Variants in STK32B observed in about 807,000 individuals in gnomAD.
STK32B encodes serine/threonine-protein kinase 32B.
A neutral mutation model predicts 52.6 loss-of-function variants in STK32B; 43 were observed. That is an observed-to-expected ratio of 0.82 (90% confidence interval 0.64 to 1.05). The LOEUF (loss-of-function observed/expected upper bound fraction) is 1.05. Ranked by LOEUF, STK32B falls within the 50% of genes least tolerant of loss-of-function variation. The pLI is 0.00. For missense variants in STK32B, 621 were observed against 534.6 expected (o/e 1.16, Z -1.59); for synonymous variants, 238 against 204.3 (o/e 1.17, Z -1.41).
At chr4:5,289,685 ATTTTTTTTTT>A (rs56211807) in intron 3 of STK32B, among the ~76,000 whole-genome samples, 3,253 of 86,986 alleles carry the variant, frequency 0.037, 130 homozygotes, top group African/African-American at 0.11. Flanking sequence ...TGCCCGGCTA[ATTTTTTTTTT>A]TTTTTTTTTT....
At chr4:5,303,465 G>A (rs1358577807) in intron 3 of STK32B, among the ~76,000 whole-genome samples, 6 of 152,018 alleles carry the variant, frequency 3.9e-5, no homozygotes, top group African/African-American at 1.4e-4. Flanking sequence ...ATGTTTGTTG[G>A]TCATTTGTAT....
At chr4:5,087,024 C>A (rs1045248520) in intron 1 of STK32B, among the ~76,000 whole-genome samples, 1 of 152,118 alleles carries the variant, frequency 6.6e-6, no homozygotes, top group African/African-American at 2.4e-5. Flanking sequence ...AAGTTAACTA[C>A]ATGGATAAAT....
Position 5,396,835 on chromosome 4 carries a change from C to CACAA in STK32B, c.435-1372_435-1371insACAA, listed in dbSNP as rs147371289. Among the ~76,000 whole-genome samples the CACAA allele has an allele frequency of 0.035, 5,391 of 152,254 alleles. 151 individuals carry two copies. Among genetic ancestry groups the CACAA allele is most frequent in the East Asian group, 0.084 (436 of 5,188 alleles). On this transcript the variant is annotated intron_variant, in intron 4 of 11. Transcript: ENST00000282908. The surrounding 1 kb of genome is among the most constrained non-coding windows in gnomAD (Gnocchi z 4.7). Reference sequence around the variant, plus strand: ...GGACCAAGCATTTGCTGACTTCATCCGCACTTGACTCTAGGTCTTCTGCCT... The same window carrying CACAA: ...GGACCAAGCATTTGCTGACTTCATCCACAAGCACTTGACTCTAGGTCTTCTGCCT...
chr4:5,305,460 T>A (rs911109937), intron 3 of STK32B, among the ~76,000 whole-genome samples: 9 of 152,140 alleles, frequency 5.9e-5, no homozygotes, highest in African/African-American at 2.2e-4. Context: ...TCTCCAGGAA[T>A]CTCCTCTAGG....
intron 6 of STK32B, among the ~76,000 whole-genome samples, chr4:5,432,650 A>G (rs973504882): frequency 3.3e-5 from 5 of 152,176 alleles, no homozygotes; most frequent in African/African-American, 1.2e-4. Flanking sequence ...ACCTGGCACA[A>G]TGGGTGTAAT....
the STK32B span, among the ~76,000 whole-genome samples, chr4:5,025,638 G>A: frequency 6.6e-6 from 1 of 152,192 alleles, no homozygotes; most frequent in African/African-American, 2.4e-5. Flanking sequence ...ATCCATGGAT[G>A]TATTGGCTTT....
intron 3 of STK32B, among the ~76,000 whole-genome samples, chr4:5,275,885 C>T (rs1482057735): frequency 1.3e-5 from 2 of 152,026 alleles, no homozygotes; most frequent in African/African-American, 4.8e-5. Flanking sequence ...TAAACAGAAC[C>T]TATTTTGGAG....
intron 5 of STK32B, among the ~76,000 whole-genome samples, chr4:5,403,793 G>T (rs535701669): frequency 5.3e-5 from 8 of 152,254 alleles, no homozygotes; most frequent in African/African-American, 1.7e-4. Flanking sequence ...GGCATGTACT[G>T]CTTGTGAAGC....
rs374528997 is a variant in STK32B at position 5,314,919 on chromosome 4, G to C, written c.261-16301G>C. ...AGAGAAGAATGAAGAGCTAAGTGAA[G>C]AGTCTTCAGACTTGACACCAAAAGC... On this transcript the variant is annotated intron_variant, in intron 3 of 11. Transcript: ENST00000282908. Among the ~76,000 whole-genome samples, 6 of 152,212 alleles carry C rather than the reference G, an allele frequency of 3.9e-5. No homozygotes were observed. In the East Asian group the frequency reaches 9.7e-4, roughly 24 times the overall value.
the STK32B span, among the ~76,000 whole-genome samples, chr4:5,026,259 G>A: frequency 2.6e-5 from 4 of 152,202 alleles, no homozygotes; most frequent in Non-Finnish European, 4.4e-5. Context: ...GGTAACCAGG[G>A]AAATACTCTT....
intron 11 of STK32B, among the ~76,000 whole-genome samples, chr4:5,483,089 A>C (rs1031942409): frequency 1.3e-5 from 2 of 152,070 alleles, no homozygotes; most frequent in African/African-American, 4.8e-5. Context: ...TATCAGGATG[A>C]TGCTGGACTC....
chr4:5,073,196 C>G (rs1711880325), intron 1 of STK32B, among the ~76,000 whole-genome samples: 1 of 151,924 alleles, frequency 6.6e-6, no homozygotes, highest in Non-Finnish European at 1.5e-5. Flanking sequence ...CCACCTTGCT[C>G]TCTGTTTTCT....
At chr4:5,215,446 G>A (rs16836879) in intron 3 of STK32B, among the ~76,000 whole-genome samples, 2 of 152,274 alleles carry the variant, frequency 1.3e-5, no homozygotes, top group South Asian at 2.1e-4. Context: ...GAACTGGAGG[G>A]TAAACGCAGA....
At chr4:5,210,625 T>G (rs1295213425) in intron 3 of STK32B, among the ~76,000 whole-genome samples, 1 of 152,122 alleles carries the variant, frequency 6.6e-6, no homozygotes, top group East Asian at 1.9e-4. Flanking sequence ...AGGGACCAGG[T>G]GTGAAGTCCA....
chr4:5,157,615 C>T (rs977856257), intron 2 of STK32B, among the ~76,000 whole-genome samples: 24 of 152,208 alleles, frequency 1.6e-4, no homozygotes, highest in African/African-American at 5.6e-4. Context: ...GGTCCTGAGG[C>T]AGGAACAGAG....
intron 1 of STK32B, among the ~76,000 whole-genome samples, chr4:5,106,387 A>G (rs1050652667): frequency 4.6e-5 from 7 of 152,188 alleles, no homozygotes; most frequent in African/African-American, 1.7e-4. Context: ...ATTTGCAATG[A>G]TGTTTAAGAT....
intron 3 of STK32B, among the ~76,000 whole-genome samples, chr4:5,176,899 A>G (rs1719946843): frequency 6.6e-6 from 1 of 152,230 alleles, no homozygotes; most frequent in Non-Finnish European, 1.5e-5. Flanking sequence ...ATCATAAGCA[A>G]GAAAGGGGTG....
At chr4:5,465,162 C>G (rs1485813561) in intron 9 of STK32B, among the ~76,000 whole-genome samples, 2 of 152,178 alleles carry the variant, frequency 1.3e-5, no homozygotes, top group African/African-American at 4.8e-5. Context: ...TAGGACTCCA[C>G]TCCATTAGCC....
chr4:5,196,048 A>G (rs185119912), intron 3 of STK32B, among the ~76,000 whole-genome samples: 7 of 152,320 alleles, frequency 4.6e-5, no homozygotes, highest in South Asian at 2.1e-4. Flanking sequence ...ATTGTTTAAA[A>G]TGGAGATTGA....
Sources: gnomAD v4.1 joint callset for allele counts (sites outside exome capture counted in the v4.1 genomes callset) on GRCh38, gnomAD v4.1.1 for gene constraint, Gnocchi (gnomAD v3.1) non-coding constraint, MANE v1.5 for transcripts, NCBI Gene and HGNC (gene_info 2026-07-23, HGNC 2026-07-21) for gene names.